Variants in COPS7A observed in about 807,000 individuals in gnomAD.
COPS7A encodes COP9 signalosome complex subunit 7a.
COPS7A carries 20 observed loss-of-function variants against 35.2 expected under a neutral mutation model. The ratio of observed to expected loss-of-function variants is 0.57; its 90% CI spans 0.40 to 0.83. COPS7A has a LOEUF of 0.83. Ranked by LOEUF, COPS7A falls within the 40% of genes least tolerant of loss-of-function variation. The pLI, the probability that COPS7A is intolerant of heterozygous loss-of-function variation, is 0.00. For synonymous variants in COPS7A, 139 were observed against 141.4 expected (o/e 0.98, Z 0.12); for missense variants, 247 against 347.5 (o/e 0.71, Z 2.30).
Position 6,730,722 on chromosome 12 carries a change from C to T in COPS7A, c.690C>T (p.Ala230=). Residue 230 remains alanine, a synonymous_variant, in exon 7 of 8, where the codon GCC becomes GCT. Transcript: ENST00000543155. ...TTACGACGGCAGCAGCAGCCGCAGC[C>T]ACATCTCAGGACCCTGAGCAACACC... ...IKVTTAAAAA[A]TSQDPEQHLT... 2 of 1,614,154 alleles carry T rather than the reference C, an allele frequency of 1.2e-6. No individual in the cohort carries two copies. Among genetic ancestry groups the T allele is most frequent in the Non-Finnish European group, 1.7e-6 (2 of 1,180,024 alleles).
At position 6,728,211 on chromosome 12, in the gene COPS7A, G is replaced by GT. The variant is rs756944860; in HGVS notation, c.239-7dup. ...AAATCAGGATTCCTTACACTTTGTC[G>GT]TTTTTCCCTAGCTGAAGCCCGGAAT... On this transcript the variant is annotated splice_polypyrimidine_tract_variant and intron_variant, in intron 3 of 7. Transcript: ENST00000543155. The GT allele has an allele frequency of 6.2e-7, 1 of 1,613,312 alleles. No individual in the cohort carries two copies. Among genetic ancestry groups the GT allele is most frequent in the Non-Finnish European group, 8.5e-7 (1 of 1,179,404 alleles).
intron 2 of COPS7A, among the ~76,000 whole-genome samples, chr12:6,726,323 A>G (rs1941253654): frequency 6.7e-6 from 1 of 149,550 alleles, no homozygotes; most frequent in South Asian, 2.1e-4. Context: ...AGGGCCAGTC[A>G]TGGTGGCTCA....
rs987636423 is a variant in COPS7A, at chr12:6,729,943, C to T, written c.531-459C>T. On this transcript the variant is annotated intron_variant, in intron 5 of 7. Transcript: ENST00000543155. The surrounding 1 kb of genome is among the most constrained non-coding windows in gnomAD (Gnocchi z 4.2). Reference sequence around the variant, plus strand: ...GCGCTTCCTTATCCCTCTCTGACCACACCGAGTGTCCATCCCACTGCTAGG... The same window carrying T: ...GCGCTTCCTTATCCCTCTCTGACCATACCGAGTGTCCATCCCACTGCTAGG... Among the ~76,000 whole-genome samples, 1 of 152,206 alleles carries T rather than the reference C, an allele frequency of 6.6e-6. No homozygotes were observed. Among genetic ancestry groups the T allele is most frequent in the African/African-American group, 2.4e-5 (1 of 41,450 alleles).
In COPS7A at chr12:6,724,261, A is replaced by G. The variant is rs150761374; in HGVS notation, c.-44+82A>G. ...GGGGCGGAGCCACGTGTAAGCTTCA[A>G]TGGGGGTGAGGTCACGTGGTTGTGG... On this transcript the variant is annotated intron_variant, in intron 1 of 7. Coordinates refer to ENST00000543155, the MANE Select transcript of COPS7A (RefSeq NM_001164094.2). The G allele has an allele frequency of 2.7e-3, 984 of 358,962 alleles. 11 individuals are homozygous for G. The highest frequency in any genetic ancestry group is 0.011 in the South Asian group (534 of 50,024). The allele number at this position is 358,962 out of a possible 1,614,324, so 22.2% of individuals were successfully genotyped here.
rs768440802 is a variant in COPS7A, at chr12:6,728,658, CAT to C, written c.327+354_327+355del. Among the ~76,000 whole-genome samples the C allele has an allele frequency of 1.4e-4, 21 of 152,246 alleles. 1 individual carries two copies. Among genetic ancestry groups the C allele is most frequent in the Admixed American group, 2.6e-4 (4 of 15,264 alleles). On this transcript the variant is annotated intron_variant, in intron 4 of 7. Transcript: ENST00000543155. ...TAGGCTTCTCTTTGTTAGGATAAAA[CAT>C]ATATATTCTAGAAGTATCTCTGTAT... is the stretch of plus-strand genomic sequence containing the variant.
intron 1 of COPS7A, 163 bp from the exon 2 acceptor site, chr12:6,724,451 G>C (rs1941198303): frequency 1.6e-6 from 1 of 639,688 alleles, no homozygotes; most frequent in South Asian, 1.7e-5. Context: ...GCCTTGCGAA[G>C]TGGCTGACTT....
chr12:6,728,430 G>T lies in COPS7A; in HGVS notation c.327+119G>T, dbSNP rs144608326. ...GCTTCCTGCCCTCCCCTCCTCCAAG[G>T]TCTGTATATAAACTCCATTAGCAAC... On this transcript the variant is annotated intron_variant, in intron 4 of 7. Coordinates refer to ENST00000543155, the MANE Select transcript of COPS7A (RefSeq NM_001164094.2). 2,863 of 696,500 alleles carry T rather than the reference G, an allele frequency of 4.1e-3. 8 individuals carry two copies. Among genetic ancestry groups the T allele is most frequent in the Non-Finnish European group, 4.8e-3 (1,975 of 408,582 alleles). The allele number at this position is 696,500 out of a possible 1,614,324, so 43.1% of individuals were successfully genotyped here.
intron 2 of COPS7A, chr12:6,727,611 G>A (rs1158539090): frequency 5.9e-6 from 3 of 510,014 alleles, no homozygotes; most frequent in Admixed American, 4.6e-5. Flanking sequence ...ACAATTTGCA[G>A]TGTCTGGTGT....
In COPS7A at chr12:6,727,625, T is replaced by C. The variant is rs369702147; in HGVS notation, c.163-301T>C. The C allele has an allele frequency of 1.7e-5, 9 of 533,242 alleles. No individual in the cohort carries two copies. The East Asian group carries it at 1.9e-4, about 11-fold the overall frequency. The allele number at this position is 533,242 out of a possible 1,614,324, so 33.0% of individuals were successfully genotyped here. A position where few individuals can be genotyped will look rare whatever the true frequency, so the allele number is the denominator to read the frequency against. ...CACAATTTGCAGTGTCTGGTGTGTATGTCTGTTTGACTCTGAAAACTGAAT... is the reference window on the plus strand; with the variant it reads ...CACAATTTGCAGTGTCTGGTGTGTACGTCTGTTTGACTCTGAAAACTGAAT... On this transcript the variant is annotated intron_variant, in intron 2 of 7. Coordinates refer to ENST00000543155, the MANE Select transcript of COPS7A (RefSeq NM_001164094.2).
Position 6,729,490 on chromosome 12 carries a change from GAA to G in COPS7A, c.530+43_530+44del. On this transcript the variant is annotated intron_variant, in intron 5 of 7. Coordinates refer to ENST00000543155, the MANE Select transcript of COPS7A (RefSeq NM_001164094.2). This position sits in a 1 kb window ranked among gnomAD's most constrained non-coding sequence, Gnocchi z 4.2. Reference sequence around the variant, plus strand: ...TGGCACTGTCCCCTTCTCACCCTGAGAAAGAGAAAGGCGCTTCAGGGTGAGAG... The same window carrying G: ...TGGCACTGTCCCCTTCTCACCCTGAGAGAGAAAGGCGCTTCAGGGTGAGAG... The G allele has an allele frequency of 6.3e-7, 1 of 1,593,910 alleles. No homozygotes were observed. Among genetic ancestry groups the G allele is most frequent in the Non-Finnish European group, 8.5e-7 (1 of 1,170,958 alleles).
chr12:6,730,358 C>A, intron 5 of COPS7A, 44 bp from the exon 6 acceptor site: 1 of 1,579,236 alleles, frequency 6.3e-7, no homozygotes. Flanking sequence ...AGTCTGTGAT[C>A]GCAGCCCTTG....
rs1941349684 is a variant in COPS7A at position 6,729,893 on chromosome 12, A to G, written c.530+444A>G. Among the ~76,000 whole-genome samples the G allele has an allele frequency of 6.6e-6, 1 of 151,546 alleles. No homozygotes were observed. Among genetic ancestry groups the G allele is most frequent in the Non-Finnish European group, 1.5e-5 (1 of 67,906 alleles). On this transcript the variant is annotated intron_variant, in intron 5 of 7. Coordinates refer to ENST00000543155, the MANE Select transcript of COPS7A (RefSeq NM_001164094.2). The surrounding 1 kb of genome is among the most constrained non-coding windows in gnomAD (Gnocchi z 4.2). ...CTACCCTATTTTGTTTTCAGTTCCT[A>G]CTCCCATCTTGCTCATCACTCCAGG... is the stretch of plus-strand genomic sequence containing the variant.
intron 4 of COPS7A, among the ~76,000 whole-genome samples, chr12:6,728,835 C>T (rs1030542677): frequency 2.6e-5 from 4 of 152,136 alleles, no homozygotes; most frequent in Non-Finnish European, 5.9e-5. Context: ...AAGGAATGCC[C>T]GTTGCAGGTA....
In COPS7A at chr12:6,729,244, C is replaced by A. The variant is rs768947027; in HGVS notation, c.328-3C>A. On this transcript the variant is annotated splice_polypyrimidine_tract_variant and splice_region_variant and intron_variant, in intron 4 of 7. Transcript: ENST00000543155. The surrounding 1 kb of genome is among the most constrained non-coding windows in gnomAD (Gnocchi z 4.2). The stretch of plus-strand genomic sequence containing the variant: ...AATCCTGGCCTGATCTCCGCGGCCC[C>A]AGTGTATCCCATATGCAGTGTTGCT... 6 of 1,614,086 alleles carry A rather than the reference C, an allele frequency of 3.7e-6. No homozygotes were observed. The highest frequency in any genetic ancestry group is 5.1e-6 in the Non-Finnish European group (6 of 1,180,018).
Position 6,729,540 on chromosome 12 carries a change from G to A in COPS7A, c.530+91G>A, listed in dbSNP as rs1195932282. 1.5e-5 allele frequency: 20 copies of A among 1,332,226 alleles called. No individual in the cohort carries two copies. The highest frequency in any genetic ancestry group is 5.8e-5 in the African/African-American group (4 of 68,892). 82.5% of individuals were successfully genotyped at this position (1,332,226 alleles called of 1,614,324 possible). On this transcript the variant is annotated intron_variant, in intron 5 of 7. Transcript: ENST00000543155. The surrounding 1 kb of genome is among the most constrained non-coding windows in gnomAD (Gnocchi z 4.2). Reference sequence around the variant, plus strand: ...GAGAGGGCAGGAGCTGGGCTGGTCCGCAGAGGTGGAACCCAAGAGGATGAA... The same window carrying A: ...GAGAGGGCAGGAGCTGGGCTGGTCCACAGAGGTGGAACCCAAGAGGATGAA...
At position 6,724,734 on chromosome 12, in the gene COPS7A, G is replaced by A; in HGVS notation, c.78G>A (p.Ala26=). Reference sequence around the variant, plus strand: ...TAGCCAAGTCGGCCAAGGGGGCAGCGCTGGCCACACTCATCCATCAGGTGC... The same window carrying A: ...TAGCCAAGTCGGCCAAGGGGGCAGCACTGGCCACACTCATCCATCAGGTGC... The part of the protein sequence containing the change: ...LLLAKSAKGA[A]LATLIHQVLE... Residue 26 remains alanine, a synonymous_variant, in exon 2 of 8, where the codon GCG becomes GCA. Coordinates refer to ENST00000543155, the MANE Select transcript of COPS7A (RefSeq NM_001164094.2). 6.2e-7 allele frequency: 1 copy of A among 1,614,178 alleles called. No individual in the cohort carries two copies. The highest frequency in any genetic ancestry group is 8.5e-7 in the Non-Finnish European group (1 of 1,180,026).
Position 6,730,469 on chromosome 12 carries a change from G to C in COPS7A, c.598G>C (p.Glu200Gln), listed in dbSNP as rs764568975. Residue 200 changes from glutamate to glutamine, a missense_variant, in exon 6 of 8, where the codon GAG becomes CAG. Coordinates refer to ENST00000543155, the MANE Select transcript of COPS7A (RefSeq NM_001164094.2). ...GGTGAGCCGTGCCAACCAACACAAG[G>C]AGCAGCAGCTGGGCCTGAAGCAGCA... ...EQVSRANQHKEQQLGLKQQIE... is the reference protein window; with the variant it reads ...EQVSRANQHKQQQLGLKQQIE... The C allele has an allele frequency of 6.2e-7, 1 of 1,614,148 alleles. No homozygotes were observed. Among genetic ancestry groups the C allele is most frequent in the Non-Finnish European group, 8.5e-7 (1 of 1,180,034 alleles).
chr12:6,730,892 A>G (rs1941377035), intron 7 of COPS7A, 72 bp downstream of exon 7: 1 of 1,596,530 alleles, frequency 6.3e-7, no homozygotes, highest in South Asian at 1.1e-5. Flanking sequence ...CACTGTCCTC[A>G]TTTCCTTCAG....
intron 2 of COPS7A, among the ~76,000 whole-genome samples, chr12:6,726,356 C>T (rs2137747950): frequency 6.6e-6 from 1 of 151,782 alleles, no homozygotes; most frequent in South Asian, 2.1e-4. Flanking sequence ...CTGTTCTCAG[C>T]ACTTTGGGAG....
Sources: allele counts gnomAD v4.1 joint callset (sites outside exome capture counted in the v4.1 genomes callset), GRCh38; gene constraint gnomAD v4.1.1; non-coding constraint Gnocchi (gnomAD v3.1); transcripts MANE v1.5; gene names NCBI Gene and HGNC (gene_info 2026-07-23, HGNC 2026-07-21).